Variants in CSMD3 observed in about 807,000 individuals in gnomAD.
CSMD3 encodes CUB and Sushi multiple domains 3, also known as CUB and sushi domain-containing protein 3.
Under a neutral mutation model 435.2 loss-of-function variants are expected in CSMD3, and 177 were observed. The ratio of observed to expected loss-of-function variants is 0.41; its 90% CI spans 0.36 to 0.46. The LOEUF is 0.46. Ranked by LOEUF, CSMD3 falls within the 20% of genes least tolerant of loss-of-function variation. CSMD3 has a pLI of 0.34. For missense variants in CSMD3, 4,265 were observed against 4,504.6 expected (o/e 0.95, Z 1.52); for synonymous variants, 1,656 against 1,520.5 (o/e 1.09, Z -2.07).
At chr8:112,955,938 G>A (rs1463258962) in intron 7 of CSMD3, among the ~76,000 whole-genome samples, 5 of 151,658 alleles carry the variant, frequency 3.3e-5, no homozygotes, top group African/African-American at 9.7e-5. Context: ...GATATTTATT[G>A]GTTTATGAAA....
chr8:112,722,237 C>A (rs2076874064), intron 13 of CSMD3, among the ~76,000 whole-genome samples: 1 of 148,350 alleles, frequency 6.7e-6, no homozygotes. Flanking sequence ...GGAAAAGATA[C>A]CAAAGAGACA....
intron 45 of CSMD3, among the ~76,000 whole-genome samples, chr8:112,334,468 C>A (rs1422916379): frequency 6.6e-6 from 1 of 152,110 alleles, no homozygotes; most frequent in Non-Finnish European, 1.5e-5. Context: ...ACATGTCCAG[C>A]CTCACATTTT....
chr8:112,266,214 G>A (rs746692991), intron 59 of CSMD3, among the ~76,000 whole-genome samples: 14 of 152,102 alleles, frequency 9.2e-5, no homozygotes, highest in Non-Finnish European at 1.3e-4. Flanking sequence ...CAACTCTGAC[G>A]ATCCTCACGT....
intron 3 of CSMD3, among the ~76,000 whole-genome samples, chr8:113,230,347 T>A (rs1373109949): frequency 6.6e-6 from 1 of 151,618 alleles, no homozygotes; most frequent in Non-Finnish European, 1.5e-5. Flanking sequence ...AAATTTCCTT[T>A]CAGTTTTAGA....
chr8:113,410,014 T>C (rs2094550898), intron 1 of CSMD3, among the ~76,000 whole-genome samples: 1 of 152,214 alleles, frequency 6.6e-6, no homozygotes, highest in South Asian at 2.1e-4. Flanking sequence ...CATAGACGAA[T>C]ACCTTTTATT....
intron 9 of CSMD3, among the ~76,000 whole-genome samples, chr8:112,946,993 G>A (rs1192358545): frequency 6.6e-6 from 1 of 151,340 alleles, no homozygotes; most frequent in Non-Finnish European, 1.5e-5. Context: ...AAATGAATAA[G>A]TAAAAATAAA....
chr8:112,628,386 CTTGGTTGGTTGG>C lies in CSMD3; in HGVS notation c.3715+8419_3715+8430del, dbSNP rs143078179. The stretch of plus-strand genomic sequence containing the variant: ...GTAGTCTTTTCAGGCATCTTAATTA[CTTGGTTGGTTGG>C]TTGGTTGGTTGGTTGGTTGGTTGGT... On this transcript the variant is annotated intron_variant, in intron 22 of 70. Coordinates refer to ENST00000297405, the MANE Select transcript of CSMD3 (RefSeq NM_198123.2). Among the ~76,000 whole-genome samples the C allele has an allele frequency of 9.9e-3, 1,484 of 150,436 alleles. 12 individuals carry two copies. The highest frequency in any genetic ancestry group is 0.019 in the South Asian group (92 of 4,738).
chr8:112,594,261 G>A (rs1027560436), intron 22 of CSMD3, among the ~76,000 whole-genome samples: 1 of 152,182 alleles, frequency 6.6e-6, no homozygotes, highest in African/African-American at 2.4e-5. Context: ...GGCGATGGAC[G>A]CACCTGGAAA....
At chr8:112,862,891 C>T (rs568752397) in intron 10 of CSMD3, among the ~76,000 whole-genome samples, 3 of 152,030 alleles carry the variant, frequency 2.0e-5, no homozygotes, top group Non-Finnish European at 4.4e-5. Context: ...CCCAGGCTGT[C>T]GCCAAAATAA....
chr8:112,374,022 C>T lies in CSMD3; in HGVS notation c.6136+6330G>A, dbSNP rs1444221567. On this transcript the variant is annotated intron_variant, in intron 38 of 70. Coordinates refer to ENST00000297405, the MANE Select transcript of CSMD3 (RefSeq NM_198123.2). ...AAATGCTGCCGTGGCTTGTTTTATA[C>T]GTTTGTCCTTAAAGACCAGGGCAGA... Among the ~76,000 whole-genome samples, 3 of 152,032 alleles carry T rather than the reference C, an allele frequency of 2.0e-5. No individual in the cohort carries two copies. In the East Asian group the frequency reaches 5.8e-4, roughly 29 times the overall value.
chr8:113,209,937 T>C (rs2092813053), intron 3 of CSMD3, among the ~76,000 whole-genome samples: 1 of 152,020 alleles, frequency 6.6e-6, no homozygotes, highest in African/African-American at 2.4e-5. Context: ...ATTTTCTCTC[T>C]TTTCTTTACC....
chr8:113,422,822 A>G (rs949275156), intron 1 of CSMD3, among the ~76,000 whole-genome samples: 1 of 152,114 alleles, frequency 6.6e-6, no homozygotes, highest in African/African-American at 2.4e-5. Context: ...TTTGTTTTAA[A>G]CTTGACAGAT....
intron 35 of CSMD3, among the ~76,000 whole-genome samples, chr8:112,393,440 T>C (rs16883536): frequency 0.021 from 3,236 of 152,324 alleles, 109 homozygotes; most frequent in African/African-American, 0.073. Flanking sequence ...TCCTGTAGTT[T>C]ACCATAGCAC....
intron 32 of CSMD3, among the ~76,000 whole-genome samples, chr8:112,440,554 C>T (rs1317497188): frequency 6.6e-6 from 1 of 152,182 alleles, no homozygotes; most frequent in Non-Finnish European, 1.5e-5. Flanking sequence ...TCAGATCCCA[C>T]AATTCCCTTC....
chr8:112,364,807 A>C (rs921734037), intron 38 of CSMD3, among the ~76,000 whole-genome samples: 10 of 152,226 alleles, frequency 6.6e-5, no homozygotes, highest in African/African-American at 2.4e-4. Context: ...AATTACAAAC[A>C]GGAGCAAATA....
intron 4 of CSMD3, among the ~76,000 whole-genome samples, chr8:113,130,993 G>A (rs552038099): frequency 5.5e-4 from 83 of 152,234 alleles, no homozygotes; most frequent in Non-Finnish European, 1.1e-3. Context: ...AGGGTATCTG[G>A]AAGAAGAAAT....
chr8:113,066,181 T>C (rs552546357), intron 5 of CSMD3, among the ~76,000 whole-genome samples: 1 of 149,874 alleles, frequency 6.7e-6, no homozygotes, highest in South Asian at 2.1e-4. Flanking sequence ...AGACAAATTG[T>C]TTGGTATATT....
At chr8:113,241,486 G>T (rs995284227) in intron 3 of CSMD3, among the ~76,000 whole-genome samples, 2 of 151,302 alleles carry the variant, frequency 1.3e-5, no homozygotes, top group Admixed American at 6.6e-5. Flanking sequence ...AATCTTAAAT[G>T]TTCAGAAAAA....
intron 41 of CSMD3, among the ~76,000 whole-genome samples, chr8:112,345,354 A>G (rs140677342): frequency 6.6e-6 from 1 of 152,286 alleles, no homozygotes; most frequent in East Asian, 1.9e-4. Flanking sequence ...CCATCATCTG[A>G]TGAATGGATA....
Sources: allele counts gnomAD v4.1 joint callset (sites outside exome capture counted in the v4.1 genomes callset), GRCh38; gene constraint gnomAD v4.1.1; transcripts MANE v1.5; gene names NCBI Gene and HGNC (gene_info 2026-07-23, HGNC 2026-07-21).